The following ZNF704 variants were observed in gnomAD, a reference collection of about 807,000 sequenced individuals.
ZNF704 encodes zinc finger protein 704, also known as glucocorticoid induced gene 1.
A neutral mutation model predicts 44.7 loss-of-function variants in ZNF704; 10 were observed. The observed-to-expected ratio is 0.22, with a 90% CI of 0.14 to 0.38. The LOEUF is 0.38. Ranked by LOEUF, ZNF704 falls within the 10% of genes least tolerant of loss-of-function variation. The probability of loss-of-function intolerance (pLI) is 1.00; values close to 1 mark genes in which losing one functional copy is unlikely to be tolerated. For synonymous variants in ZNF704, 211 were observed against 207.6 expected (o/e 1.02, Z -0.14); for missense variants, 390 against 545.5 (o/e 0.71, Z 2.84).
intron 6 of ZNF704, among the ~76,000 whole-genome samples, chr8:80,663,238 G>C (rs377393057): frequency 6.2e-4 from 94 of 152,016 alleles, no homozygotes; most frequent in African/African-American, 2.1e-3. Flanking sequence ...AAAATTAGCT[G>C]GATGTGGTAG....
At chr8:80,699,700 C>T (rs2131643138) in intron 2 of ZNF704, among the ~76,000 whole-genome samples, 1 of 152,288 alleles carries the variant, frequency 6.6e-6, no homozygotes, top group South Asian at 2.1e-4. Context: ...GGCACTGGCC[C>T]ATGGTCCACA....
intron 2 of ZNF704, among the ~76,000 whole-genome samples, chr8:80,775,450 C>A (rs970461071): frequency 6.6e-6 from 1 of 152,152 alleles, no homozygotes; most frequent in African/African-American, 2.4e-5. Context: ...ATCTGAGAAG[C>A]CATGCAAAGT....
chr8:80,722,653 C>T (rs1806393045), intron 2 of ZNF704, among the ~76,000 whole-genome samples: 1 of 152,208 alleles, frequency 6.6e-6, no homozygotes, highest in South Asian at 2.1e-4. Context: ...AAAAGCAACT[C>T]AGCTTTTTTA....
intron 2 of ZNF704, among the ~76,000 whole-genome samples, chr8:80,809,045 A>T (rs867897053): frequency 3.9e-5 from 6 of 152,220 alleles, no homozygotes; most frequent in Middle Eastern, 3.2e-3. Flanking sequence ...TAATCCCAGC[A>T]CTTTGGGAGG....
intron 1 of ZNF704, among the ~76,000 whole-genome samples, chr8:80,855,438 C>T (rs553291495): frequency 1.3e-5 from 2 of 152,136 alleles, no homozygotes; most frequent in East Asian, 3.9e-4. Context: ...CAGTGGAATA[C>T]CATTCAGCCA....
At chr8:80,878,513 A>G (rs1809388752), upstream of ZNF704, among the ~76,000 whole-genome samples, 1 of 152,234 alleles carries the variant, frequency 6.6e-6, no homozygotes, top group Admixed American at 6.5e-5. Flanking sequence ...GCTCCTTTTA[A>G]AAATTATTTT....
chr8:80,647,977 G>T (rs544225741), intron 7 of ZNF704, among the ~76,000 whole-genome samples: 1 of 152,208 alleles, frequency 6.6e-6, no homozygotes, highest in Non-Finnish European at 1.5e-5. Context: ...AGGCTGGAAA[G>T]TCCAAGGTTG....
intron 2 of ZNF704, among the ~76,000 whole-genome samples, chr8:80,698,196 G>C (rs902042100): frequency 6.6e-6 from 1 of 152,208 alleles, no homozygotes; most frequent in Admixed American, 6.5e-5. Flanking sequence ...GTCTATTGGA[G>C]AACTAGACCT....
intron 2 of ZNF704, among the ~76,000 whole-genome samples, chr8:80,766,430 T>C (rs1273063215): frequency 6.6e-6 from 1 of 152,196 alleles, no homozygotes; most frequent in African/African-American, 2.4e-5. Flanking sequence ...TCCTGGTGTC[T>C]AGCTGCACCC....
intron 2 of ZNF704, among the ~76,000 whole-genome samples, chr8:80,714,081 T>TCC (rs1199366066): frequency 1.3e-5 from 2 of 152,230 alleles, no homozygotes; most frequent in Non-Finnish European, 2.9e-5. Context: ...ACACATGCTC[T>TCC]CCTTCTCCGT....
chr8:80,845,778 C>T (rs896771018), intron 1 of ZNF704, among the ~76,000 whole-genome samples: 11 of 152,052 alleles, frequency 7.2e-5, no homozygotes, highest in Admixed American at 3.9e-4. Context: ...ATGGCTTGAG[C>T]GATGCAAGAG....
rs554158614 is a variant in ZNF704 at position 80,730,606 on chromosome 8, TATA to T, written c.222-37502_222-37500del. ...TTAATTGTGGTCACGGGTGATAAAG[TATA>T]ATAATTACCAACAATAATAATGTAT... On this transcript the variant is annotated intron_variant, in intron 2 of 8. Coordinates refer to ENST00000327835, the MANE Select transcript of ZNF704 (RefSeq NM_001033723.3). 1.8e-4 allele frequency among the ~76,000 whole-genome samples: 26 copies of T among 148,532 alleles called. No homozygotes were observed. The East Asian group carries it at 5.2e-3, about 29-fold the overall frequency.
At chr8:80,760,745 G>C (rs1199254535) in intron 2 of ZNF704, among the ~76,000 whole-genome samples, 1 of 150,934 alleles carries the variant, frequency 6.6e-6, no homozygotes, top group East Asian at 1.9e-4. Context: ...ATAAAGAAAA[G>C]AGTCATAGGT....
chr8:80,846,547 A>C (rs1049753235), intron 1 of ZNF704, among the ~76,000 whole-genome samples: 3 of 152,188 alleles, frequency 2.0e-5, no homozygotes, highest in Admixed American at 2.0e-4. Context: ...CATGGAAAGC[A>C]AAATAAGTCA....
chr8:80,673,656 T>C (rs1186544467), intron 4 of ZNF704, among the ~76,000 whole-genome samples: 1 of 152,204 alleles, frequency 6.6e-6, no homozygotes, highest in Non-Finnish European at 1.5e-5. Flanking sequence ...GGAATCAGTA[T>C]CCAGATGATT....
At chr8:80,695,289 G>A (rs1275220895) in intron 2 of ZNF704, among the ~76,000 whole-genome samples, 2 of 152,300 alleles carry the variant, frequency 1.3e-5, no homozygotes, top group East Asian at 1.9e-4. Flanking sequence ...CCAGAGCCCA[G>A]CTCCAGGATC....
intron 2 of ZNF704, among the ~76,000 whole-genome samples, chr8:80,804,430 C>T (rs1807952910): frequency 6.6e-6 from 1 of 152,162 alleles, no homozygotes; most frequent in South Asian, 2.1e-4. Context: ...AACCTAAATG[C>T]CCATCAATTA....
chr8:80,864,034 G>C (rs1007029729), intron 1 of ZNF704, among the ~76,000 whole-genome samples: 1 of 152,264 alleles, frequency 6.6e-6, no homozygotes, highest in East Asian at 1.9e-4. Flanking sequence ...GAGAAAGGTA[G>C]TGTTCTCTAC....
intron 2 of ZNF704, among the ~76,000 whole-genome samples, chr8:80,782,284 A>T (rs1807539803): frequency 6.6e-6 from 1 of 152,226 alleles, no homozygotes; most frequent in South Asian, 2.1e-4. Context: ...AACAAGATGA[A>T]ATTTAACTAG....
Sources: gnomAD v4.1 joint callset for allele counts (sites outside exome capture counted in the v4.1 genomes callset) on GRCh38, gnomAD v4.1.1 for gene constraint, MANE v1.5 for transcripts, NCBI Gene and HGNC (gene_info 2026-07-23, HGNC 2026-07-21) for gene names.